Variants in METTL25 observed in about 807,000 individuals in gnomAD.
The protein encoded by METTL25 is methyltransferase like 25.
METTL25 carries 64 observed loss-of-function variants against 71.6 expected under a neutral mutation model. That is an observed-to-expected ratio of 0.89 (90% CI 0.73 to 1.10). The LOEUF (loss-of-function observed/expected upper bound fraction) is 1.10, where lower values mean the gene tolerates loss of function less well. Among genes scored for constraint, METTL25 ranks in the 50% least tolerant of loss-of-function variants. METTL25 has a pLI of 0.00. For synonymous variants in METTL25, 287 were observed against 250.3 expected (o/e 1.15, Z -1.38); for missense variants, 807 against 707.0 (o/e 1.14, Z -1.60).
rs191955338 is a variant in METTL25 at position 82,379,559 on chromosome 12, G to A, written c.260-7244G>A. 3.0e-3 allele frequency among the ~76,000 whole-genome samples: 453 copies of A among 152,220 alleles called. 3 individuals carry two copies. Among genetic ancestry groups the A allele is most frequent in the African/African-American group, 0.01 (434 of 41,562 alleles). On this transcript the variant is annotated intron_variant, in intron 1 of 11. Coordinates refer to ENST00000248306, the MANE Select transcript of METTL25 (RefSeq NM_032230.3). ...ATTTTTTGAAACAGTTTGAGATTATGGGAAATTAAAACATTCTCGTGAAGC... is the reference window on the plus strand; with the variant it reads ...ATTTTTTGAAACAGTTTGAGATTATAGGAAATTAAAACATTCTCGTGAAGC...
intron 8 of METTL25, among the ~76,000 whole-genome samples, chr12:82,450,941 C>G (rs976634958): frequency 4.6e-5 from 7 of 151,988 alleles, no homozygotes; most frequent in African/African-American, 1.7e-4. Flanking sequence ...TTTCTCTCCT[C>G]TATCACCAGG....
At chr12:82,471,246 A>G (rs1892551970) in intron 9 of METTL25, among the ~76,000 whole-genome samples, 1 of 152,218 alleles carries the variant, frequency 6.6e-6, no homozygotes, top group South Asian at 2.1e-4. Flanking sequence ...GCTTCTCTGA[A>G]AAGACTTGGC....
At chr12:82,423,978 C>G (rs1888752834) in intron 5 of METTL25, among the ~76,000 whole-genome samples, 1 of 152,160 alleles carries the variant, frequency 6.6e-6, no homozygotes, top group African/African-American at 2.4e-5. Context: ...GACAGTGTGG[C>G]AATTCCTCAG....
At chr12:82,405,905 G>GA (rs543018835) in intron 5 of METTL25, among the ~76,000 whole-genome samples, 33 of 152,112 alleles carry the variant, frequency 2.2e-4, no homozygotes, top group South Asian at 6.2e-4. Context: ...ACTAGGAATA[G>GA]AAAAAAAATC....
intron 5 of METTL25, among the ~76,000 whole-genome samples, chr12:82,406,934 T>G (rs887063374): frequency 6.6e-6 from 1 of 152,070 alleles, no homozygotes; most frequent in Non-Finnish European, 1.5e-5. Flanking sequence ...AAATCAAGTT[T>G]TTTTTTTTCT....
chr12:82,389,427 T>G (rs1885363373), intron 2 of METTL25, among the ~76,000 whole-genome samples: 1 of 152,094 alleles, frequency 6.6e-6, no homozygotes, highest in African/African-American at 2.4e-5. Flanking sequence ...CTTTTTGTAT[T>G]GATTTATAGG....
Position 82,380,746 on chromosome 12 carries a change from G to T in METTL25, c.260-6057G>T, listed in dbSNP as rs538424012. The stretch of plus-strand genomic sequence containing the variant: ...GATACAGCAGTGAATAAAAATTCTT[G>T]TCTTCTTGGATCTTGCTTACTATAC... On this transcript the variant is annotated intron_variant, in intron 1 of 11. Transcript: ENST00000248306. 1.3e-3 allele frequency among the ~76,000 whole-genome samples: 200 copies of T among 152,138 alleles called. 1 individual carries two copies. The highest frequency in any genetic ancestry group is 2.3e-3 in the Non-Finnish European group (155 of 68,016).
At chr12:82,402,700 C>A (rs977823451) in intron 4 of METTL25, among the ~76,000 whole-genome samples, 2 of 151,996 alleles carry the variant, frequency 1.3e-5, no homozygotes, top group Non-Finnish European at 2.9e-5. Context: ...ATCATTAAAT[C>A]ATTAAAGATT....
chr12:82,381,921 TAAC>T (rs1396533989), intron 1 of METTL25, among the ~76,000 whole-genome samples: 3 of 152,222 alleles, frequency 2.0e-5, no homozygotes, highest in African/African-American at 7.2e-5. Context: ...TGGAGAGCAT[TAAC>T]AAGGTTTGAA....
At chr12:82,467,764 A>G (rs1269642948) in intron 9 of METTL25, among the ~76,000 whole-genome samples, 2 of 152,240 alleles carry the variant, frequency 1.3e-5, no homozygotes, top group Non-Finnish European at 2.9e-5. Flanking sequence ...TGCCTTGGAT[A>G]GAACCTGTTT....
At chr12:82,390,782 A>G (rs759566576) in intron 3 of METTL25, among the ~76,000 whole-genome samples, 6 of 152,062 alleles carry the variant, frequency 3.9e-5, no homozygotes, top group South Asian at 2.1e-4. Flanking sequence ...TACCTAAGCA[A>G]TATCTGTCAG....
intron 4 of METTL25, among the ~76,000 whole-genome samples, chr12:82,400,650 A>G (rs951258374): frequency 6.6e-6 from 1 of 152,170 alleles, no homozygotes; most frequent in African/African-American, 2.4e-5. Context: ...TGCTGAAAAT[A>G]TATGATCAAA....
At chr12:82,387,900 C>G (rs1344721450) in intron 2 of METTL25, among the ~76,000 whole-genome samples, 1 of 152,032 alleles carries the variant, frequency 6.6e-6, no homozygotes, top group African/African-American at 2.4e-5. Context: ...AATAAGCAGT[C>G]TCTATTCAAG....
chr12:82,416,427 A>C (rs1164977598), intron 5 of METTL25, among the ~76,000 whole-genome samples: 1 of 146,556 alleles, frequency 6.8e-6, no homozygotes, highest in Non-Finnish European at 1.5e-5. Flanking sequence ...CTAATTATTT[A>C]ATTATATTTA....
intron 1 of METTL25, among the ~76,000 whole-genome samples, chr12:82,375,021 G>A (rs750216454): frequency 6.6e-6 from 1 of 152,160 alleles, no homozygotes; most frequent in Non-Finnish European, 1.5e-5. Flanking sequence ...TAGAGAAAAG[G>A]AAGAATCAAA....
intron 1 of METTL25, among the ~76,000 whole-genome samples, chr12:82,362,914 A>C (rs781430993): frequency 3.0e-4 from 46 of 152,236 alleles, no homozygotes; most frequent in Admixed American, 3.3e-4. Flanking sequence ...CCAAAGGCAG[A>C]AATATAAGAA....
chr12:82,432,656 T>C (rs1488863228), intron 6 of METTL25, among the ~76,000 whole-genome samples: 2 of 151,666 alleles, frequency 1.3e-5, no homozygotes, highest in African/African-American at 4.8e-5. Context: ...CATGCTGGCC[T>C]TAACTTGCCC....
intron 3 of METTL25, among the ~76,000 whole-genome samples, chr12:82,397,287 G>C (rs1434634062): frequency 6.6e-6 from 1 of 151,934 alleles, no homozygotes; most frequent in Non-Finnish European, 1.5e-5. Flanking sequence ...ATCTTATTTT[G>C]GGAAGAGTAC....
At chr12:82,377,272 T>G (rs1017138632) in intron 1 of METTL25, among the ~76,000 whole-genome samples, 8 of 152,240 alleles carry the variant, frequency 5.3e-5, no homozygotes, top group Non-Finnish European at 1.2e-4. Context: ...AGTGGTTGCA[T>G]GCGTCACCTA....
Sources: gnomAD v4.1 joint callset for allele counts (sites outside exome capture counted in the v4.1 genomes callset) on GRCh38, gnomAD v4.1.1 for gene constraint, MANE v1.5 for transcripts, NCBI Gene and HGNC (gene_info 2026-07-23, HGNC 2026-07-21) for gene names.